The following FOXN1 variants were observed in gnomAD, a reference collection of about 807,000 sequenced individuals.
The protein encoded by FOXN1 is forkhead box protein N1.
A neutral mutation model predicts 49.0 loss-of-function variants in FOXN1; 15 were observed. The ratio of observed to expected loss-of-function variants is 0.31; its 90% confidence interval spans 0.20 to 0.47. The LOEUF is 0.47. Ranked by LOEUF, FOXN1 falls within the 20% of genes least tolerant of loss-of-function variation. The pLI, the probability that FOXN1 is intolerant of heterozygous loss-of-function variation, is 1.00. For missense variants in FOXN1, 800 were observed against 842.8 expected, an observed-to-expected ratio of 0.95 and a Z score of 0.63; for synonymous variants, 356 against 369.0, an observed-to-expected ratio of 0.96 and a Z score of 0.40.
chr17:28,508,798 A>G (rs1275791186), intron 1 of FOXN1, among the ~76,000 whole-genome samples: 1 of 152,082 alleles, frequency 6.6e-6, no homozygotes, highest in African/African-American at 2.4e-5. Flanking sequence ...AAAAGGATGG[A>G]GGGGACCGAG....
chr17:28,537,345 C>T lies in FOXN1; in HGVS notation c.1856C>T (p.Ala619Val). ...GDLHLTTLYS[A>V]FMELEPTPPT... ...CTGCACCTCACCACCCTCTACTCTG[C>T]CTTTATGGAGCTGGAGCCCACGCCC... Residue 619 changes from alanine to valine, a missense_variant, in exon 9 of 9, where the codon GCC (alanine) becomes GTC (valine). Ala to Val is a moderately conservative substitution (Grantham distance 64). This residue lies in a region of FOXN1 where 344 missense variants were observed against 366.1 expected (regional missense o/e 0.94). Transcript: ENST00000579795. 1 of 1,613,252 alleles carries T rather than the reference C, an allele frequency of 6.2e-7. No homozygotes were observed. The highest frequency in any genetic ancestry group is 1.3e-5 in the African/African-American group (1 of 75,018).
At chr17:28,513,317 G>A (rs984747146) in intron 1 of FOXN1, among the ~76,000 whole-genome samples, 1 of 152,076 alleles carries the variant, frequency 6.6e-6, no homozygotes, top group African/African-American at 2.4e-5. Context: ...GGTAGGTCAA[G>A]GACATCCATC....
intron 6 of FOXN1, among the ~76,000 whole-genome samples, chr17:28,532,222 T>A (rs1209959300): frequency 1.3e-5 from 2 of 152,168 alleles, no homozygotes; most frequent in Middle Eastern, 3.4e-3. Context: ...CTGGGAGCCA[T>A]GTAATCCCTG....
chr17:28,510,413 C>T (rs1459579021), intron 1 of FOXN1, among the ~76,000 whole-genome samples: 3 of 151,992 alleles, frequency 2.0e-5, no homozygotes, highest in Non-Finnish European at 4.4e-5. Flanking sequence ...CGCACACACA[C>T]AGAATGAGAA....
chr17:28,511,598 G>T (rs1269828634), intron 1 of FOXN1, among the ~76,000 whole-genome samples: 2 of 152,166 alleles, frequency 1.3e-5, no homozygotes, highest in African/African-American at 4.8e-5. Flanking sequence ...GCTGGTGCTG[G>T]TTTAACTTCT....
At position 28,534,111 on chromosome 17, in the gene FOXN1, T is replaced by C. The variant is rs1272874942; in HGVS notation, c.928-220T>C. On this transcript the variant is annotated intron_variant, in intron 6 of 8. Transcript: ENST00000579795. This position sits in a 1 kb window ranked among gnomAD's most constrained non-coding sequence, Gnocchi z 4.1. ...GGGATGCGGGTGGGATGAAGGCAGA[T>C]TTGAGATGAAAATAACTTGGGGTCA... is the stretch of plus-strand genomic sequence containing the variant. 6.6e-6 allele frequency among the ~76,000 whole-genome samples: 1 copy of C among 152,058 alleles called. No individual in the cohort carries two copies. The highest frequency in any genetic ancestry group is 2.4e-5 in the African/African-American group (1 of 41,382).
Position 28,537,310 on chromosome 17 carries a change from A to C in FOXN1, c.1821A>C (p.Ala607=), listed in dbSNP as rs1262298366. The stretch of plus-strand genomic sequence containing the variant: ...CCCCGGGCAGTGGTGGCTCCGGGGC[A>C]CTGGGTGACCTGCACCTCACCACCC... ...LAAPGSGGSG[A]LGDLHLTTLY... is the part of the protein sequence containing the mutation. Residue 607 remains alanine, a synonymous_variant, in exon 9 of 9, where the codon GCA becomes GCC. Transcript: ENST00000579795. The C allele has an allele frequency of 6.2e-7, 1 of 1,613,620 alleles. No homozygotes were observed.
intron 1 of FOXN1, among the ~76,000 whole-genome samples, chr17:28,520,635 T>C (rs2069622752): frequency 1.3e-5 from 2 of 152,230 alleles, no homozygotes; most frequent in Non-Finnish European, 2.9e-5. Flanking sequence ...ATGAAAGTCA[T>C]GGCTGTGAAC....
At chr17:28,524,353 C>CTTT in intron 2 of FOXN1, 150 bp from the exon 3 acceptor site, 1 of 660,148 alleles carries the variant, frequency 1.5e-6, no homozygotes. Context: ...GAAATCGGGG[C>CTTT]CAAGGGTAGG....
At chr17:28,523,893 G>A (rs532395436) in intron 1 of FOXN1, 63 bp from the exon 2 acceptor site, 49 of 1,580,424 alleles carry the variant, frequency 3.1e-5, no homozygotes, top group Non-Finnish European at 4.1e-5. Context: ...TGGAGGTGGC[G>A]AACCTGGGTT....
intron 3 of FOXN1, 51 bp from the exon 4 acceptor site, chr17:28,527,200 G>C: frequency 8.1e-7 from 1 of 1,232,196 alleles, no homozygotes; most frequent in Non-Finnish European, 1.2e-6. Context: ...ACAGGAAAGA[G>C]GAAGGGAGAA....
chr17:28,532,526 G>A (rs939350150), intron 6 of FOXN1, among the ~76,000 whole-genome samples: 19 of 152,234 alleles, frequency 1.2e-4, no homozygotes, highest in Admixed American at 1.1e-3. Flanking sequence ...AGTCTGTAAA[G>A]TGGGTCAGAT....
intron 1 of FOXN1, among the ~76,000 whole-genome samples, chr17:28,518,013 A>T (rs979389606): frequency 1.7e-4 from 25 of 148,090 alleles, no homozygotes; most frequent in African/African-American, 6.0e-4. Flanking sequence ...ATACCTCCAC[A>T]GGGTACACAC....
chr17:28,525,768 C>A (rs2069753232), intron 3 of FOXN1, among the ~76,000 whole-genome samples: 1 of 152,066 alleles, frequency 6.6e-6, no homozygotes. Flanking sequence ...CCCCAAGCCA[C>A]CCCAACAAAG....
intron 1 of FOXN1, among the ~76,000 whole-genome samples, chr17:28,511,720 G>T (rs561475285): frequency 6.6e-6 from 1 of 152,200 alleles, no homozygotes; most frequent in South Asian, 2.1e-4. Flanking sequence ...TTATTCTCAT[G>T]ACTAGCCCAC....
rs80103174 is a variant in FOXN1 at position 28,521,060 on chromosome 17, G to A, written c.-14-2896G>A. Among the ~76,000 whole-genome samples the A allele has an allele frequency of 4.3e-3, 657 of 152,350 alleles. 3 individuals are homozygous for A. Among genetic ancestry groups the A allele is most frequent in the African/African-American group, 0.015 (628 of 41,584 alleles). ...GGCCAGATGCATGACACATGTCCTCGAGCATTTTCCCTGTGCCAGCACCTC... is the reference window on the plus strand; with the variant it reads ...GGCCAGATGCATGACACATGTCCTCAAGCATTTTCCCTGTGCCAGCACCTC... On this transcript the variant is annotated intron_variant, in intron 1 of 8. Transcript: ENST00000579795.
In FOXN1 at chr17:28,515,518, C is replaced by A. The variant is rs114101154; in HGVS notation, c.-14-8438C>A. On this transcript the variant is annotated intron_variant, in intron 1 of 8. Coordinates refer to ENST00000579795, the MANE Select transcript of FOXN1 (RefSeq NM_001369369.1). ...GTGAACATACTTCCACAAGTGTACA[C>A]CCCTTCACAGAGGTACACCCCTCCA... Among the ~76,000 whole-genome samples the A allele has an allele frequency of 4.0e-3, 605 of 151,812 alleles. 2 individuals carry two copies. The highest frequency in any genetic ancestry group is 0.014 in the African/African-American group (573 of 41,300).
chr17:28,517,030 C>T (rs370527625), intron 1 of FOXN1, among the ~76,000 whole-genome samples: 2 of 43,454 alleles, frequency 4.6e-5, no homozygotes, highest in South Asian at 7.2e-4. Flanking sequence ...ACAGGGTACA[C>T]GCCTCCACAG....
chr17:28,515,694 C>G (rs879547673), intron 1 of FOXN1, among the ~76,000 whole-genome samples: 1 of 151,444 alleles, frequency 6.6e-6, no homozygotes, highest in African/African-American at 2.4e-5. Context: ...GGTGAATATA[C>G]CTCCACAGGT....
Sources: gnomAD v4.1 joint callset for allele counts (sites outside exome capture counted in the v4.1 genomes callset) on GRCh38, gnomAD v4.1.1 for gene constraint, gnomAD v4.1.1 regional missense constraint, Gnocchi (gnomAD v3.1) non-coding constraint, MANE v1.5 for transcripts, NCBI Gene and HGNC (gene_info 2026-07-23, HGNC 2026-07-21) for gene names.